Variants in GTPBP8 observed in about 807,000 individuals in gnomAD.
GTPBP8 encodes the protein GTP binding protein 8.
Under a neutral mutation model 27.3 loss-of-function variants are expected in GTPBP8, and 21 were observed. That is an observed-to-expected ratio of 0.77 (90% CI 0.55 to 1.11). The LOEUF (loss-of-function observed/expected upper bound fraction) is 1.11. Ranked by LOEUF, GTPBP8 falls within the 50% of genes least tolerant of loss-of-function variation. The probability of loss-of-function intolerance (pLI) is 0.00; values close to 1 mark genes in which losing one functional copy is unlikely to be tolerated. For missense variants in GTPBP8, 380 were observed against 350.8 expected (o/e 1.08, Z -0.67); for synonymous variants, 147 against 135.3 (o/e 1.09, Z -0.60).
chr3:112,991,234 G>A lies in GTPBP8; in HGVS notation c.235G>A (p.Ala79Thr), dbSNP rs1341629567. The change falls in exon 1 of 6, where the codon GCC becomes ACC. Residue 79 changes from alanine to threonine, a missense_variant. Physicochemically the swap from Ala to Thr is moderately conservative, Grantham distance 58. Coordinates refer to ENST00000383678, the MANE Select transcript of GTPBP8 (RefSeq NM_014170.4). ...CTTTGACCCAAGCCCGGAGGACATA[G>A]CCAGGGCGGACAACATCTTCACGGC... ...RIFDPSPEDI[A>T]RADNIFTATE... 2 of 1,614,120 alleles carry A rather than the reference G, an allele frequency of 1.2e-6. No homozygotes were observed. The highest frequency in any genetic ancestry group is 1.3e-5 in the African/African-American group (1 of 75,046).
chr3:112,991,982 TAAAAGG>T (rs1291392897), intron 1 of GTPBP8: 1 of 194,694 alleles, frequency 5.1e-6, no homozygotes, highest in Non-Finnish European at 1.1e-5. Flanking sequence ...CTAAGTCTGC[TAAAAGG>T]CATCTCAACT....
In GTPBP8 at chr3:112,995,096, A is replaced by G. The variant is rs148188817; in HGVS notation, c.436-39A>G. The G allele has an allele frequency of 3.3e-4, 485 of 1,489,014 alleles. 1 individual carries two copies. The African/African-American group carries it at 6.1e-3, about 19-fold the overall frequency. 92.2% of individuals were successfully genotyped at this position (1,489,014 alleles called of 1,614,324 possible). A position where few individuals can be genotyped will look rare whatever the true frequency, so the allele number is the denominator to read the frequency against. On this transcript the variant is annotated intron_variant, in intron 2 of 5. Transcript: ENST00000383678. ...GAATCATTAACTAGATGGAGGACAT[A>G]TCTTAAGACAGCTTTTCTTTTTCTA...
chr3:113,000,952 A>C lies in GTPBP8; in HGVS notation c.*33A>C, dbSNP rs1361413163. 4.8e-6 allele frequency: 6 copies of C among 1,259,604 alleles called. No individual in the cohort carries two copies. In the South Asian group the frequency reaches 7.7e-5, roughly 16 times the overall value. The allele number at this position is 1,259,604 out of a possible 1,614,324, so 78.0% of individuals were successfully genotyped here. The stretch of plus-strand genomic sequence containing the variant: ...CGGTTTAGCTGAAGATTCAAAAAAA[A>C]AAAAAAAAGCTTTATGCTAACTGGA... On this transcript the variant is annotated 3_prime_UTR_variant, in exon 6 of 6. Coordinates refer to ENST00000383678, the MANE Select transcript of GTPBP8 (RefSeq NM_014170.4).
intron 1 of GTPBP8, chr3:112,991,886 G>A: frequency 4.2e-6 from 1 of 240,716 alleles, no homozygotes; most frequent in East Asian, 1.3e-4. Context: ...TGGCAATAAT[G>A]TGGAAAAATT....
At chr3:113,000,753 T>C (rs1275416319) in intron 5 of GTPBP8, 97 bp from the exon 6 acceptor site, 2 of 714,142 alleles carry the variant, frequency 2.8e-6, no homozygotes, top group African/African-American at 1.8e-5. Context: ...TGCTTTCATA[T>C]ATGAAATCAT....
Position 113,000,904 on chromosome 3 carries a change from A to T in GTPBP8, c.840A>T (p.Thr280=). 1 of 1,580,490 alleles carries T rather than the reference A, an allele frequency of 6.3e-7. No individual in the cohort carries two copies. The highest frequency in any genetic ancestry group is 8.7e-7 in the Non-Finnish European group (1 of 1,152,322). ...TGAGATGCTTTATAGCCAGTGTAAC[A>T]GGAAGTCTTGACTAATGGTTCCCGG... ...HLLRCFIASV[T]GSLD The change falls in exon 6 of 6, where the codon ACA becomes ACT. Residue 280 remains threonine (T), a synonymous_variant. Coordinates refer to ENST00000383678, the MANE Select transcript of GTPBP8 (RefSeq NM_014170.4).
Position 112,996,832 on chromosome 3 carries a change from G to A in GTPBP8, c.567-60G>A, listed in dbSNP as rs111734282. On this transcript the variant is annotated intron_variant, in intron 3 of 5. Transcript: ENST00000383678. ...AATTTCTTAGTACAGTAAGGAAGAG[G>A]GGATAAATGAATGGGTATATTTTAT... 2.5e-5 allele frequency: 19 copies of A among 773,422 alleles called. 1 individual carries two copies. The highest frequency in any genetic ancestry group is 1.0e-4 in the African/African-American group (6 of 58,262). 47.9% of individuals were successfully genotyped at this position (773,422 alleles called of 1,614,324 possible).
intron 5 of GTPBP8, among the ~76,000 whole-genome samples, chr3:113,000,454 C>T (rs571143290): frequency 5.9e-5 from 9 of 152,094 alleles, no homozygotes; most frequent in Non-Finnish European, 1.2e-4. Flanking sequence ...GACAGACGGA[C>T]GCACAGATGG....
chr3:112,995,077 T>C, intron 2 of GTPBP8, 58 bp from the exon 3 acceptor site: 1 of 1,291,738 alleles, frequency 7.7e-7, no homozygotes, highest in Non-Finnish European at 1.1e-6. Flanking sequence ...TTTTGAATCA[T>C]TAACTAGATG....
Position 112,991,252 on chromosome 3 carries a change from T to G in GTPBP8, c.253T>G (p.Phe85Val). The G allele has an allele frequency of 6.2e-7, 1 of 1,614,052 alleles. No homozygotes were observed. ...GGACATAGCCAGGGCGGACAACATC[T>G]TCACGGCCACTGAACGGAACCGCAT... The part of the protein sequence containing the change: ...PEDIARADNI[F>V]TATERNRIDY... Residue 85 changes from phenylalanine to valine, a missense_variant, in exon 1 of 6, where the codon TTC (phenylalanine) becomes GTC (valine). Coordinates refer to ENST00000383678, the MANE Select transcript of GTPBP8 (RefSeq NM_014170.4).
In GTPBP8 at chr3:113,001,038, G is replaced by A; in HGVS notation, c.*119G>A. 1.6e-6 allele frequency: 1 copy of A among 617,666 alleles called. No homozygotes were observed. Among genetic ancestry groups the A allele is most frequent in the Non-Finnish European group, 2.8e-6 (1 of 356,744 alleles). The allele number at this position is 617,666 out of a possible 1,614,324, so 38.3% of individuals were successfully genotyped here. A position where few individuals can be genotyped will look rare whatever the true frequency, so the allele number is the denominator to read the frequency against. On this transcript the variant is annotated 3_prime_UTR_variant, in exon 6 of 6. Coordinates refer to ENST00000383678, the MANE Select transcript of GTPBP8 (RefSeq NM_014170.4). The stretch of plus-strand genomic sequence containing the variant: ...ATGTTGTGCATCTGTAACTTCAGGA[G>A]GATCACTTGAGCTTTAAAACCTGTG...
chr3:112,996,090 T>C (rs778220831), intron 3 of GTPBP8, among the ~76,000 whole-genome samples: 15 of 152,274 alleles, frequency 9.9e-5, no homozygotes, highest in Middle Eastern at 3.4e-3. Flanking sequence ...AGGGGTAAAA[T>C]CAAATATTTA....
Position 113,001,134 on chromosome 3 carries a change from G to C in GTPBP8, c.*215G>C. 2.2e-6 allele frequency: 1 copy of C among 464,364 alleles called. No homozygotes were observed. Among genetic ancestry groups the C allele is most frequent in the Non-Finnish European group, 3.8e-6 (1 of 261,576 alleles). 28.8% of individuals were successfully genotyped at this position (464,364 alleles called of 1,614,324 possible). On this transcript the variant is annotated 3_prime_UTR_variant, in exon 6 of 6. Coordinates refer to ENST00000383678, the MANE Select transcript of GTPBP8 (RefSeq NM_014170.4). ...AGTTATTGAATTATGGTGTTCATTA[G>C]AACAGCTACTAGCTGATTCCCCTAT...
At chr3:113,000,828 T>G in intron 5 of GTPBP8, 22 bp from the exon 6 acceptor site, 1 of 1,474,538 alleles carries the variant, frequency 6.8e-7, no homozygotes, top group Admixed American at 1.8e-5. Flanking sequence ...GGAAGAAAAT[T>G]ATTTCTCTTT....
intron 2 of GTPBP8, among the ~76,000 whole-genome samples, chr3:112,994,115 G>A (rs1338315237): frequency 6.6e-6 from 1 of 152,066 alleles, no homozygotes; most frequent in Non-Finnish European, 1.5e-5. Context: ...CCAAACAATT[G>A]ACTTAACTTT....
At chr3:112,991,674 C>A (rs1363462153) in intron 1 of GTPBP8, 3 of 471,340 alleles carry the variant, frequency 6.4e-6, no homozygotes, top group East Asian at 1.1e-4. Flanking sequence ...CTTTTCAAAC[C>A]CAAATTAAGC....
intron 5 of GTPBP8, 44 bp downstream of exon 5, chr3:112,999,608 C>A: frequency 1.3e-6 from 1 of 769,404 alleles, no homozygotes; most frequent in Non-Finnish European, 2.2e-6. Context: ...ATGAAGTAAT[C>A]TTGAGAATGT....
chr3:112,991,196 T>C lies in GTPBP8; in HGVS notation c.197T>C (p.Leu66Pro), dbSNP rs898660674. The change falls in exon 1 of 6, where the codon CTT becomes CCT. Residue 66 changes from leucine (L) to proline (P), a missense_variant. Coordinates refer to ENST00000383678, the MANE Select transcript of GTPBP8 (RefSeq NM_014170.4). Reference sequence around the variant, plus strand: ...CTCGCCCCCTACGGGAGGCAAGACCTTCACCTGCGTATCTTTGACCCAAGC... The same window carrying C: ...CTCGCCCCCTACGGGAGGCAAGACCCTCACCTGCGTATCTTTGACCCAAGC... ...RFLAPYGRQD[L>P]HLRIFDPSPE... is the part of the protein sequence containing the mutation. 2 of 1,614,156 alleles carry C rather than the reference T, an allele frequency of 1.2e-6. No homozygotes were observed. The highest frequency in any genetic ancestry group is 2.2e-5 in the South Asian group (2 of 91,088).
In GTPBP8 at chr3:113,001,497, C is replaced by G. The variant is rs1404857449; in HGVS notation, c.*578C>G. The G allele has an allele frequency of 6.6e-6, 1 of 152,130 alleles. No homozygotes were observed. Among genetic ancestry groups the G allele is most frequent in the African/African-American group, 2.4e-5 (1 of 41,428 alleles). 9.4% of individuals were successfully genotyped at this position (152,130 alleles called of 1,614,324 possible). A position where few individuals can be genotyped will look rare whatever the true frequency, so the allele number is the denominator to read the frequency against. ...CTGATGTTTATTATATATGTTGGATCTTGGGCAACTTACTTGATTTCTCGG... is the reference window on the plus strand; with the variant it reads ...CTGATGTTTATTATATATGTTGGATGTTGGGCAACTTACTTGATTTCTCGG... On this transcript the variant is annotated 3_prime_UTR_variant, in exon 6 of 6. Coordinates refer to ENST00000383678, the MANE Select transcript of GTPBP8 (RefSeq NM_014170.4).
Sources: allele counts gnomAD v4.1 joint callset (sites outside exome capture counted in the v4.1 genomes callset), GRCh38; gene constraint gnomAD v4.1.1; transcripts MANE v1.5; gene names NCBI Gene and HGNC (gene_info 2026-07-23, HGNC 2026-07-21).